Variants in FGF12 observed in about 807,000 individuals in gnomAD.
FGF12 encodes fibroblast growth factor 12B.
A neutral mutation model predicts 23.6 loss-of-function variants in FGF12; 14 were observed. That is an observed-to-expected ratio of 0.59 (90% CI 0.39 to 0.93). The LOEUF is 0.93. Among genes scored for constraint, FGF12 ranks in the 40% least tolerant of loss-of-function variants. FGF12 has a pLI of 0.00. For missense variants in FGF12, 175 were observed against 217.8 expected (o/e 0.80, Z 1.24); for synonymous variants, 62 against 77.3 (o/e 0.80, Z 1.04).
intron 4 of FGF12, among the ~76,000 whole-genome samples, chr3:192,328,073 G>A (rs76626592): frequency 0.013 from 1,999 of 152,260 alleles, 41 homozygotes; most frequent in African/African-American, 0.045. Context: ...TCTGAGCTGG[G>A]GTAAGAAAAT....
At chr3:192,447,656 G>C (rs55867536) in intron 2 of FGF12, among the ~76,000 whole-genome samples, 2,439 of 152,178 alleles carry the variant, frequency 0.016, 60 homozygotes, top group African/African-American at 0.055. Flanking sequence ...AAATTTTTTA[G>C]TAAACTTACG....
At chr3:192,467,310 T>A (rs1723039458) in intron 2 of FGF12, among the ~76,000 whole-genome samples, 1 of 152,200 alleles carries the variant, frequency 6.6e-6, no homozygotes, top group African/African-American at 2.4e-5. Context: ...AGTTTCCTTA[T>A]TAACAAAGGG....
chr3:192,290,575 C>T (rs886497773), intron 4 of FGF12, among the ~76,000 whole-genome samples: 10 of 152,076 alleles, frequency 6.6e-5, no homozygotes, highest in Admixed American at 2.0e-4. Context: ...GTCATACATG[C>T]GAAACACCTA....
At chr3:192,407,272 C>T (rs1284370297) in intron 2 of FGF12, among the ~76,000 whole-genome samples, 1 of 152,166 alleles carries the variant, frequency 6.6e-6, no homozygotes, top group Admixed American at 6.5e-5. Context: ...CTCCTTGAGG[C>T]CAAACTGTGT....
At chr3:192,285,869 T>C (rs1380121859) in intron 4 of FGF12, among the ~76,000 whole-genome samples, 1 of 152,026 alleles carries the variant, frequency 6.6e-6, no homozygotes, top group African/African-American at 2.4e-5. Context: ...AATAGTGTGC[T>C]CCTTAACTAT....
chr3:192,506,172 G>T (rs1489744836), intron 2 of FGF12, among the ~76,000 whole-genome samples: 1 of 152,214 alleles, frequency 6.6e-6, no homozygotes, highest in Non-Finnish European at 1.5e-5. Flanking sequence ...GAAAGTTACT[G>T]ATATCAATCT....
chr3:192,167,778 T>TATAA (rs1715307703), intron 5 of FGF12, among the ~76,000 whole-genome samples: 1 of 88,962 alleles, frequency 1.1e-5, no homozygotes, highest in African/African-American at 3.8e-5. Flanking sequence ...TAAAATTTTT[T>TATAA]TTTTTTTTTT....
intron 2 of FGF12, among the ~76,000 whole-genome samples, chr3:192,647,417 C>G (rs1488507757): frequency 6.6e-6 from 1 of 151,958 alleles, no homozygotes; most frequent in Non-Finnish European, 1.5e-5. Flanking sequence ...GGGTTAAATT[C>G]ATCCAACATT....
intron 2 of FGF12, among the ~76,000 whole-genome samples, chr3:192,703,176 A>G (rs565829748): frequency 1.2e-4 from 18 of 152,354 alleles, no homozygotes; most frequent in African/African-American, 3.8e-4. Context: ...GGCATACCTT[A>G]CAGATATAGT....
intron 4 of FGF12, among the ~76,000 whole-genome samples, chr3:192,192,847 G>A (rs186307567): frequency 6.6e-6 from 1 of 152,220 alleles, no homozygotes; most frequent in East Asian, 1.9e-4. Flanking sequence ...ATATCATTGT[G>A]TAAATACAGC....
At chr3:192,471,974 A>C (rs1723185332) in intron 2 of FGF12, among the ~76,000 whole-genome samples, 1 of 141,798 alleles carries the variant, frequency 7.1e-6, no homozygotes, top group Admixed American at 6.7e-5. Context: ...TGATTAAAAC[A>C]AAAAAAGCCT....
At chr3:192,376,573 G>T (rs1719518807) in intron 2 of FGF12, among the ~76,000 whole-genome samples, 1 of 151,950 alleles carries the variant, frequency 6.6e-6, no homozygotes, top group Admixed American at 6.6e-5. Context: ...TGTTGGTCAG[G>T]CTGGTCTCAA....
intron 2 of FGF12, among the ~76,000 whole-genome samples, chr3:192,596,117 T>TATAATATAATATAATATAATATAAC (rs1553836838): frequency 0.068 from 9,668 of 142,988 alleles, 496 homozygotes; most frequent in East Asian, 0.15. Flanking sequence ...TATAATATAA[T>TATAATATAATATAATATAATATAAC]ATAATATAAT....
chr3:192,633,602 T>G lies in FGF12; in HGVS notation c.13+93579A>C, dbSNP rs1254924051. 2.0e-5 allele frequency among the ~76,000 whole-genome samples: 3 copies of G among 152,312 alleles called. 1 individual carries two copies. In the East Asian group the frequency reaches 5.8e-4, roughly 29 times the overall value. ...TTCACTCCATTTTTCTATAACATTA[T>G]GCTGCCCAAGTCAGAGAAGTTAGGA... is the stretch of plus-strand genomic sequence containing the variant. On this transcript the variant is annotated intron_variant, in intron 2 of 5. Transcript: ENST00000445105.
intron 2 of FGF12, among the ~76,000 whole-genome samples, chr3:192,381,211 A>G (rs1443018968): frequency 1.3e-5 from 2 of 152,164 alleles, no homozygotes; most frequent in African/African-American, 4.8e-5. Context: ...TTCTCCAAAC[A>G]GCACCCGACC....
At chr3:192,669,326 G>A (rs1423310114) in intron 2 of FGF12, among the ~76,000 whole-genome samples, 55 of 152,040 alleles carry the variant, frequency 3.6e-4, no homozygotes, top group Admixed American at 3.2e-3. Flanking sequence ...AGTGGTTCAC[G>A]CCTGTAATCC....
At chr3:192,231,822 A>G (rs1171932914) in intron 4 of FGF12, among the ~76,000 whole-genome samples, 1 of 152,146 alleles carries the variant, frequency 6.6e-6, no homozygotes, top group South Asian at 2.1e-4. Flanking sequence ...GGAAAAAAAA[A>G]CAATACTTTT....
chr3:192,141,421 C>T lies in FGF12; in HGVS notation c.*2588G>A, dbSNP rs931825450. ...GCAAACATTCACCCTTTGCTCTAAG[C>T]TACATTTTTTGTCAGGTTTATGTGT... On this transcript the variant is annotated 3_prime_UTR_variant, in exon 6 of 6. Coordinates refer to ENST00000445105, the MANE Select transcript of FGF12 (RefSeq NM_004113.6). 8 of 151,920 alleles carry T rather than the reference C, an allele frequency of 5.3e-5. No individual in the cohort carries two copies. Among genetic ancestry groups the T allele is most frequent in the African/African-American group, 1.9e-4 (8 of 41,424 alleles). The allele number at this position is 151,920 out of a possible 1,614,324, so 9.4% of individuals were successfully genotyped here.
At chr3:192,390,206 A>C (rs999610025) in intron 2 of FGF12, among the ~76,000 whole-genome samples, 3 of 152,080 alleles carry the variant, frequency 2.0e-5, no homozygotes, top group Admixed American at 2.0e-4. Context: ...TCCCATCTCT[A>C]TTCATTTATT....
Sources: allele counts gnomAD v4.1 joint callset (sites outside exome capture counted in the v4.1 genomes callset), GRCh38; gene constraint gnomAD v4.1.1; transcripts MANE v1.5; gene names NCBI Gene and HGNC (gene_info 2026-07-23, HGNC 2026-07-21).